The following ANTXR2 variants were observed in gnomAD, a reference collection of about 807,000 sequenced individuals.
ANTXR2 encodes the protein anthrax toxin receptor 2.
ANTXR2 carries 44 observed loss-of-function variants against 73.7 expected under a neutral mutation model. That is an observed-to-expected ratio of 0.60 (90% CI 0.47 to 0.77). The LOEUF (loss-of-function observed/expected upper bound fraction) is 0.77, where lower values mean the gene tolerates loss of function less well. ANTXR2 is among the 30% of genes least tolerant of loss of function. The probability of loss-of-function intolerance (pLI) is 0.00; values close to 1 mark genes in which losing one functional copy is unlikely to be tolerated. For missense variants in ANTXR2, 604 were observed against 592.5 expected (o/e 1.02, Z -0.20); for synonymous variants, 217 against 205.9 (o/e 1.05, Z -0.46).
chr4:80,035,369 A>G (rs1312400548), intron 8 of ANTXR2, among the ~76,000 whole-genome samples: 1 of 152,056 alleles, frequency 6.6e-6, no homozygotes, highest in African/African-American at 2.4e-5. Context: ...CCCCCACCAG[A>G]CCCAATATTT....
At chr4:79,943,400 CA>C (rs1226308435) in intron 16 of ANTXR2, among the ~76,000 whole-genome samples, 1 of 8,738 alleles carries the variant, frequency 1.1e-4, no homozygotes, top group Non-Finnish European at 2.5e-4. Context: ...GAATACTATG[CA>C]GCCATAAAAA....
chr4:79,979,827 G>A (rs186713737), intron 14 of ANTXR2, among the ~76,000 whole-genome samples: 2 of 145,142 alleles, frequency 1.4e-5, no homozygotes, highest in East Asian at 4.6e-4. Context: ...ACATATCCTT[G>A]CAGTTGTAAA....
At chr4:80,065,403 A>G in intron 3 of ANTXR2, among the ~76,000 whole-genome samples, 1 of 152,060 alleles carries the variant, frequency 6.6e-6, no homozygotes. Flanking sequence ...ACACTAGATT[A>G]CTTATCTTTG....
chr4:79,993,650 C>A (rs576947369), intron 12 of ANTXR2, among the ~76,000 whole-genome samples: 2 of 151,826 alleles, frequency 1.3e-5, no homozygotes, highest in Non-Finnish European at 2.9e-5. Flanking sequence ...AAGGAACCCA[C>A]ATCATTTGAA....
intron 16 of ANTXR2, among the ~76,000 whole-genome samples, chr4:79,917,161 T>C (rs1354473616): frequency 6.6e-6 from 1 of 152,104 alleles, no homozygotes; most frequent in Non-Finnish European, 1.5e-5. Context: ...CCTACCACAG[T>C]ATCTGAGGCT....
intron 16 of ANTXR2, among the ~76,000 whole-genome samples, chr4:79,915,919 CA>C (rs1727339218): frequency 1.4e-5 from 2 of 147,410 alleles, no homozygotes; most frequent in Non-Finnish European, 3.0e-5. Flanking sequence ...AATAAAACTG[CA>C]AAATTTTGAG....
intron 11 of ANTXR2, among the ~76,000 whole-genome samples, chr4:80,009,683 C>T (rs944761183): frequency 6.6e-6 from 1 of 151,832 alleles, no homozygotes; most frequent in Non-Finnish European, 1.5e-5. Flanking sequence ...CCCATCTCTA[C>T]TAAAAATACA....
intron 2 of ANTXR2, among the ~76,000 whole-genome samples, chr4:80,070,272 C>T (rs1438923506): frequency 6.6e-6 from 1 of 152,234 alleles, no homozygotes; most frequent in African/African-American, 2.4e-5. Context: ...CCCTTATTCA[C>T]TTCCTACAAT....
intron 16 of ANTXR2, among the ~76,000 whole-genome samples, chr4:79,959,209 AACTG>A (rs577565842): frequency 5.9e-5 from 9 of 152,098 alleles, no homozygotes; most frequent in African/African-American, 1.4e-4. Flanking sequence ...TAATCATCCA[AACTG>A]ACTAATTTTA....
chr4:80,011,245 G>A lies in ANTXR2; in HGVS notation c.946-2629C>T, dbSNP rs146032439. ...ATAAGCCAAACATGATGGGAAAAGC[G>A]TCAGGGAAAATGCAACCTGGTCTTG... On this transcript the variant is annotated intron_variant, in intron 11 of 16. Coordinates refer to ENST00000403729, the MANE Select transcript of ANTXR2 (RefSeq NM_058172.6). Among the ~76,000 whole-genome samples the A allele has an allele frequency of 4.1e-4, 62 of 152,154 alleles. 1 individual carries two copies. Among genetic ancestry groups the A allele is most frequent in the African/African-American group, 1.3e-3 (55 of 41,532 alleles).
intron 11 of ANTXR2, among the ~76,000 whole-genome samples, chr4:80,018,124 T>C (rs548215193): frequency 2.8e-4 from 42 of 152,234 alleles, no homozygotes; most frequent in Admixed American, 4.6e-4. Flanking sequence ...TGTGAGAAAA[T>C]GTTTAGGTTT....
chr4:79,975,624 A>C (rs774415885), intron 16 of ANTXR2, among the ~76,000 whole-genome samples: 1 of 152,224 alleles, frequency 6.6e-6, no homozygotes, highest in Admixed American at 6.5e-5. Flanking sequence ...ACTAGTGTCT[A>C]ACCTGGGGAA....
At chr4:79,972,926 A>AAAAAAAAAAAAAAAAG (rs1455368121) in intron 16 of ANTXR2, among the ~76,000 whole-genome samples, 5 of 17,414 alleles carry the variant, frequency 2.9e-4, no homozygotes, top group African/African-American at 4.1e-4. Flanking sequence ...ATAATAAAAA[A>AAAAAAAAAAAAAAAAG]AAAAAAAAAA....
chr4:79,992,344 C>G (rs977307091), intron 12 of ANTXR2, among the ~76,000 whole-genome samples: 3 of 151,610 alleles, frequency 2.0e-5, no homozygotes. Context: ...ATAATGTTTT[C>G]ATCATCTAAA....
At chr4:80,036,137 A>G (rs1418669235) in intron 7 of ANTXR2, 105 bp from the exon 8 acceptor site, 6 of 918,274 alleles carry the variant, frequency 6.5e-6, no homozygotes, top group African/African-American at 5.3e-5. Context: ...CCATACTTCA[A>G]TAGATCTCAG....
chr4:79,931,968 G>A (rs1267949140), intron 16 of ANTXR2, among the ~76,000 whole-genome samples: 1 of 151,682 alleles, frequency 6.6e-6, no homozygotes, highest in Non-Finnish European at 1.5e-5. Flanking sequence ...ATCATTATTT[G>A]CCCATTAATG....
At chr4:79,933,495 A>T (rs1728135630) in intron 16 of ANTXR2, among the ~76,000 whole-genome samples, 1 of 152,152 alleles carries the variant, frequency 6.6e-6, no homozygotes, top group Non-Finnish European at 1.5e-5. Context: ...TCACCACTGA[A>T]TCATATTGTT....
chr4:79,997,189 A>C (rs1730769442), intron 12 of ANTXR2, among the ~76,000 whole-genome samples: 1 of 151,948 alleles, frequency 6.6e-6, no homozygotes, highest in East Asian at 1.9e-4. Context: ...GCCTGCAGCC[A>C]GCTTGATGCA....
intron 16 of ANTXR2, among the ~76,000 whole-genome samples, chr4:79,957,364 T>C (rs1728928732): frequency 6.6e-6 from 1 of 152,108 alleles, no homozygotes; most frequent in Non-Finnish European, 1.5e-5. Flanking sequence ...AAATGAACAC[T>C]GTTTCATTTG....
Sources: allele counts gnomAD v4.1 joint callset (sites outside exome capture counted in the v4.1 genomes callset), GRCh38; gene constraint gnomAD v4.1.1; transcripts MANE v1.5; gene names NCBI Gene and HGNC (gene_info 2026-07-23, HGNC 2026-07-21).